Variants in SAE1 observed in about 807,000 individuals in gnomAD.
SAE1 encodes SUMO-activating enzyme subunit 1.
A neutral mutation model predicts 40.6 loss-of-function variants in SAE1; 11 were observed. That is an observed-to-expected ratio of 0.27 (90% CI 0.17 to 0.45). The LOEUF (loss-of-function observed/expected upper bound fraction) is 0.45, where lower values mean the gene tolerates loss of function less well. Ranked by LOEUF, SAE1 falls within the 20% of genes least tolerant of loss-of-function variation. SAE1 has a pLI of 1.00. For missense variants in SAE1, 373 were observed against 427.3 expected (o/e 0.87, Z 1.12); for synonymous variants, 155 against 154.3 (o/e 1.00, Z -0.03).
At chr19:47,151,860 T>C (rs1032313454) in intron 3 of SAE1, among the ~76,000 whole-genome samples, 1 of 152,248 alleles carries the variant, frequency 6.6e-6, no homozygotes, top group Non-Finnish European at 1.5e-5. Context: ...GTGTAATGCG[T>C]GTGCATGGGG....
chr19:47,190,949 C>G (rs1198370389), intron 6 of SAE1, among the ~76,000 whole-genome samples: 1 of 152,182 alleles, frequency 6.6e-6, no homozygotes, highest in Non-Finnish European at 1.5e-5. Context: ...ACTTGGAATC[C>G]TAGGTGCTGT....
chr19:47,171,006 C>T (rs1427167367), intron 6 of SAE1, among the ~76,000 whole-genome samples: 3 of 151,874 alleles, frequency 2.0e-5, no homozygotes, highest in African/African-American at 4.8e-5. Context: ...GATGGAGTCT[C>T]GCTCTGTCCC....
chr19:47,190,135 C>T (rs2058570017), intron 6 of SAE1, among the ~76,000 whole-genome samples: 1 of 152,188 alleles, frequency 6.6e-6, no homozygotes, highest in Non-Finnish European at 1.5e-5. Flanking sequence ...TGTCATCCCC[C>T]CAGACTTCAG....
rs747028560 is a variant in SAE1 at position 47,150,342 on chromosome 19, G to T, written c.351G>T (p.Lys117Asn). 6.2e-7 allele frequency: 1 copy of T among 1,603,978 alleles called. No homozygotes were observed. Among genetic ancestry groups the T allele is most frequent in the Non-Finnish European group, 8.5e-7 (1 of 1,176,924 alleles). Residue 117 changes from lysine (K) to asparagine (N), a missense_variant, in exon 3 of 9, where the codon AAG (lysine) becomes AAT (asparagine). Coordinates refer to ENST00000270225, the MANE Select transcript of SAE1 (RefSeq NM_005500.3). The stretch of plus-strand genomic sequence containing the variant: ...AGGTGGACACTGAGGATATAGAGAA[G>T]AAACCAGAGTCATTTTTCACTCAAT... Reference protein sequence around the residue: ...DVKVDTEDIEKKPESFFTQFD... With the variant: ...DVKVDTEDIENKPESFFTQFD...
intron 2 of SAE1, among the ~76,000 whole-genome samples, 197 bp downstream of exon 2, chr19:47,143,802 A>G (rs1050153333): frequency 6.4e-4 from 97 of 152,196 alleles, no homozygotes; most frequent in African/African-American, 2.2e-3. Flanking sequence ...CTGGATGAGC[A>G]GTAGAGACTC....
chr19:47,203,318 G>C (rs1313092710), intron 7 of SAE1, among the ~76,000 whole-genome samples: 1 of 152,170 alleles, frequency 6.6e-6, no homozygotes, highest in African/African-American at 2.4e-5. Flanking sequence ...TGGCCATTAT[G>C]GGTAAGAAGA....
intron 4 of SAE1, among the ~76,000 whole-genome samples, chr19:47,154,427 C>T (rs1395053686): frequency 6.7e-6 from 1 of 148,734 alleles, no homozygotes; most frequent in Admixed American, 6.7e-5. Context: ...GGGAAGCAAT[C>T]CAGATTATTT....
Position 47,130,950 on chromosome 19 carries a change from C to T in SAE1, c.20C>T (p.Ala7Val). Residue 7 changes from alanine to valine, a missense_variant, in exon 1 of 9, where the codon GCT (alanine) becomes GTT (valine). Ala to Val is a moderately conservative substitution (Grantham distance 64). Coordinates refer to ENST00000270225, the MANE Select transcript of SAE1 (RefSeq NM_005500.3). MVEKEEAGGGISEEEAA... is the reference protein window; with the variant it reads MVEKEEVGGGISEEEAA... ...GGCGCCATGGTGGAGAAGGAGGAGG[C>T]TGGCGGCGGCATTAGCGAGGAGGAG... is the stretch of plus-strand genomic sequence containing the variant. The T allele has an allele frequency of 6.5e-7, 1 of 1,549,998 alleles. No homozygotes were observed. The highest frequency in any genetic ancestry group is 8.7e-7 in the Non-Finnish European group (1 of 1,146,558).
At chr19:47,156,132 C>T (rs1340329468) in intron 5 of SAE1, among the ~76,000 whole-genome samples, 5 of 151,536 alleles carry the variant, frequency 3.3e-5, no homozygotes, top group Non-Finnish European at 4.4e-5. Context: ...ATTTGTCTGG[C>T]GTGATGGTGA....
In SAE1 at chr19:47,139,560, T is replaced by C. The variant is rs1193272432; in HGVS notation, c.99-3934T>C. Among the ~76,000 whole-genome samples the C allele has an allele frequency of 3.3e-5, 5 of 150,876 alleles. No homozygotes were observed. The East Asian group carries it at 5.9e-4, about 18-fold the overall frequency. On this transcript the variant is annotated intron_variant, in intron 1 of 8. Coordinates refer to ENST00000270225, the MANE Select transcript of SAE1 (RefSeq NM_005500.3). Reference sequence around the variant, plus strand: ...GTTTGTGGAACTTGAGGGAAGTAGATGGACAATGCTGCTGTGAATGTGTAT... The same window carrying C: ...GTTTGTGGAACTTGAGGGAAGTAGACGGACAATGCTGCTGTGAATGTGTAT...
intron 6 of SAE1, among the ~76,000 whole-genome samples, chr19:47,172,975 C>T (rs1217190469): frequency 6.6e-6 from 1 of 152,106 alleles, no homozygotes; most frequent in Non-Finnish European, 1.5e-5. Context: ...CCATCTAAAA[C>T]AAAATGGCAG....
At chr19:47,142,066 T>A (rs2058225650) in intron 1 of SAE1, among the ~76,000 whole-genome samples, 1 of 152,166 alleles carries the variant, frequency 6.6e-6, no homozygotes. Context: ...CAGCCTCATC[T>A]TCTGTCACTT....
At chr19:47,162,692 T>C (rs559206319) in intron 5 of SAE1, among the ~76,000 whole-genome samples, 1 of 152,256 alleles carries the variant, frequency 6.6e-6, no homozygotes, top group South Asian at 2.1e-4. Context: ...TTAGGCCTGA[T>C]TTAAGAAGTA....
chr19:47,176,953 G>C (rs1001757731), intron 6 of SAE1, among the ~76,000 whole-genome samples: 3 of 152,176 alleles, frequency 2.0e-5, no homozygotes, highest in Non-Finnish European at 2.9e-5. Flanking sequence ...CATAACAGGA[G>C]TGCTAAAAAT....
rs951289807 is a variant in SAE1 at position 47,163,593 on chromosome 19, G to A, written c.628-6225G>A. On this transcript the variant is annotated intron_variant, in intron 5 of 8. Coordinates refer to ENST00000270225, the MANE Select transcript of SAE1 (RefSeq NM_005500.3). ...AAATACAAAATTAGCTGGGCATGGT[G>A]GCTCACACCTGTAATCCCAGCTACT... Among the ~76,000 whole-genome samples the A allele has an allele frequency of 2.6e-5, 4 of 152,140 alleles. No homozygotes were observed. The South Asian group carries it at 8.3e-4, about 32-fold the overall frequency.
chr19:47,155,336 A>G, intron 5 of SAE1, 123 bp downstream of exon 5: 1 of 592,580 alleles, frequency 1.7e-6, no homozygotes, highest in Non-Finnish European at 3.0e-6. Flanking sequence ...TGTCCCATCT[A>G]AAGGGAGGCT....
chr19:47,197,858 C>G (rs989609356), intron 7 of SAE1, among the ~76,000 whole-genome samples: 1 of 152,210 alleles, frequency 6.6e-6, no homozygotes, highest in African/African-American at 2.4e-5. Flanking sequence ...GCAGGTACAA[C>G]TGCAGGATAA....
intron 6 of SAE1, among the ~76,000 whole-genome samples, chr19:47,179,815 CAA>C (rs541213026): frequency 6.6e-6 from 1 of 152,120 alleles, no homozygotes; most frequent in Non-Finnish European, 1.5e-5. Flanking sequence ...GCCTCCTGCC[CAA>C]AGTGTTGGGA....
chr19:47,204,736 TCCTCCCACCTCAG>T (rs1177620605), intron 8 of SAE1, among the ~76,000 whole-genome samples: 1 of 151,952 alleles, frequency 6.6e-6, no homozygotes, highest in Admixed American at 6.6e-5. Flanking sequence ...GACCTTGTGA[TCCTCCCACCTCAG>T]CCTCCCAAAG....
Sources: gnomAD v4.1 joint callset for allele counts (sites outside exome capture counted in the v4.1 genomes callset) on GRCh38, gnomAD v4.1.1 for gene constraint, MANE v1.5 for transcripts, NCBI Gene and HGNC (gene_info 2026-07-23, HGNC 2026-07-21) for gene names.